The following GARIN1A variants were observed in gnomAD, a reference collection of about 807,000 sequenced individuals.
GARIN1A encodes Golgi-associated RAB2 interactor protein 1A.
chr7:128,677,267 G>A, the GARIN1A span, among the ~76,000 whole-genome samples: 1 of 151,922 alleles, frequency 6.6e-6, no homozygotes, highest in African/African-American at 2.4e-5. Context: ...CAGCACTTTG[G>A]GAGGCCGAGG....
At chr7:128,699,794 T>A in the GARIN1A span, among the ~76,000 whole-genome samples, 1 of 152,264 alleles carries the variant, frequency 6.6e-6, no homozygotes, top group Non-Finnish European at 1.5e-5. Context: ...GCATGCTATA[T>A]CAATTACAGA....
At chr7:128,700,807 A>G in the GARIN1A span, among the ~76,000 whole-genome samples, 1 of 152,208 alleles carries the variant, frequency 6.6e-6, no homozygotes. Flanking sequence ...AGAAGCTCAG[A>G]GAGCAGAAAG....
chr7:128,679,393 A>G, the GARIN1A span, among the ~76,000 whole-genome samples: 1 of 152,030 alleles, frequency 6.6e-6, no homozygotes, highest in Non-Finnish European at 1.5e-5. Flanking sequence ...GGGTTTCACC[A>G]TGTTGGCCAG....
the GARIN1A span, chr7:128,677,621 G>A: frequency 6.2e-7 from 1 of 1,613,500 alleles, no homozygotes; most frequent in South Asian, 1.1e-5. Flanking sequence ...AGCGCATCCT[G>A]AGGGTTAGGA....
At chr7:128,688,716 C>T in the GARIN1A span, among the ~76,000 whole-genome samples, 1 of 150,160 alleles carries the variant, frequency 6.7e-6, no homozygotes, top group Non-Finnish European at 1.5e-5. Context: ...CCTCTCTGCC[C>T]CCATTCTGTA....
the GARIN1A span, chr7:128,693,704 G>A: frequency 0.14 from 21,005 of 152,608 alleles, 1,637 homozygotes; most frequent in African/African-American, 0.2. Context: ...TCCAGGCCTT[G>A]TCCTTGTCGT....
the GARIN1A span, chr7:128,675,638 C>G: frequency 6.2e-7 from 1 of 1,609,488 alleles, no homozygotes; most frequent in Non-Finnish European, 8.5e-7. Context: ...TTGTTTTCTG[C>G]TCCTTTCTGA....
At chr7:128,675,652 A>G in the GARIN1A span, 2 of 1,612,066 alleles carry the variant, frequency 1.2e-6, no homozygotes, top group Non-Finnish European at 1.7e-6. Flanking sequence ...TTTCTGACCC[A>G]TGTACCTGAG....
the GARIN1A span, among the ~76,000 whole-genome samples, chr7:128,678,799 CAAAA>C: frequency 3.7e-5 from 3 of 80,644 alleles, no homozygotes; most frequent in African/African-American, 1.3e-4. Context: ...AACTCCATCT[CAAAA>C]AAAAAAAAAA....
the GARIN1A span, chr7:128,677,937 G>C: frequency 1.3e-4 from 100 of 782,922 alleles, 1 homozygote; most frequent in African/African-American, 1.7e-3. Context: ...ATATCATTTT[G>C]ATAATTTCTA....
the GARIN1A span, chr7:128,680,176 G>A: frequency 7.3e-7 from 1 of 1,375,358 alleles, no homozygotes; most frequent in Non-Finnish European, 1.0e-6. Context: ...GTCAGCTCCA[G>A]ATCCCTTCCT....
At chr7:128,706,893 A>G in the GARIN1A span, among the ~76,000 whole-genome samples, 1 of 152,054 alleles carries the variant, frequency 6.6e-6, no homozygotes, top group African/African-American at 2.4e-5. Context: ...AAAGGGCTAC[A>G]ATGGGGTTGG....
At chr7:128,680,073 C>T in the GARIN1A span, 49 of 1,582,738 alleles carry the variant, frequency 3.1e-5, no homozygotes, top group African/African-American at 6.6e-4. Context: ...CAGCGAGCCC[C>T]TCGTGCTGCT....
chr7:128,672,625 T>C, the GARIN1A span: 1 of 458,682 alleles, frequency 2.2e-6, no homozygotes, highest in Non-Finnish European at 3.1e-6. Context: ...TAGGAGATGC[T>C]GTGGCCTTTT....
chr7:128,689,293 G>T, the GARIN1A span, among the ~76,000 whole-genome samples: 1 of 150,976 alleles, frequency 6.6e-6, no homozygotes, highest in South Asian at 2.1e-4. Flanking sequence ...CCCTCTGCCC[G>T]GCTGCCCAGT....
the GARIN1A span, among the ~76,000 whole-genome samples, chr7:128,694,141 A>T: frequency 9.3e-3 from 1,422 of 152,288 alleles, 12 homozygotes; most frequent in Middle Eastern, 0.02. Flanking sequence ...TGGACTACTG[A>T]TTATTAAATG....
At chr7:128,704,438 G>A in the GARIN1A span, among the ~76,000 whole-genome samples, 1 of 151,954 alleles carries the variant, frequency 6.6e-6, no homozygotes, top group East Asian at 1.9e-4. Context: ...CCAAGTAGCT[G>A]GGATTACAGG....
the GARIN1A span, among the ~76,000 whole-genome samples, chr7:128,700,425 C>T: frequency 2.0e-5 from 3 of 151,962 alleles, no homozygotes; most frequent in Admixed American, 6.6e-5. Context: ...AGATTACAGG[C>T]ATGCACCACC....
chr7:128,679,939 TA>T, the GARIN1A span: 1 of 652,974 alleles, frequency 1.5e-6, no homozygotes, highest in Non-Finnish European at 2.5e-6. Context: ...AACTCAACTG[TA>T]ATATCACAAA....
Sources: allele counts gnomAD v4.1 joint callset (sites outside exome capture counted in the v4.1 genomes callset), GRCh38; gene constraint gnomAD v4.1.1; transcripts MANE v1.5; gene names NCBI Gene and HGNC (gene_info 2026-07-23, HGNC 2026-07-21).